LRRC8C: variants seen among roughly 807,000 people sequenced by gnomAD.
LRRC8C encodes the protein volume-regulated anion channel subunit LRRC8C.
A neutral mutation model predicts 55.3 loss-of-function variants in LRRC8C; 20 were observed. That is an observed-to-expected ratio of 0.36 (90% CI 0.25 to 0.53). LRRC8C has a LOEUF of 0.53. Ranked by LOEUF, LRRC8C falls within the 20% of genes least tolerant of loss-of-function variation. The probability of loss-of-function intolerance (pLI) is 0.92; values close to 1 mark genes in which losing one functional copy is unlikely to be tolerated. For synonymous variants in LRRC8C, 376 were observed against 360.7 expected (o/e 1.04, Z -0.48); for missense variants, 659 against 951.4 (o/e 0.69, Z 4.04).
At chr1:89,705,771 C>T (rs1658464505) in intron 2 of LRRC8C, among the ~76,000 whole-genome samples, 1 of 151,886 alleles carries the variant, frequency 6.6e-6, no homozygotes, top group African/African-American at 2.4e-5. Context: ...AGAGCAAGAC[C>T]CTGTCTCAAA....
chr1:89,649,043 A>G (rs527876981), intron 1 of LRRC8C, among the ~76,000 whole-genome samples: 4 of 152,224 alleles, frequency 2.6e-5, no homozygotes, highest in South Asian at 2.1e-4. Context: ...ATGAACATTC[A>G]TGTATATGTA....
intron 2 of LRRC8C, among the ~76,000 whole-genome samples, chr1:89,688,951 C>CTAA (rs1442534355): frequency 6.6e-6 from 1 of 152,144 alleles, no homozygotes; most frequent in Non-Finnish European, 1.5e-5. Context: ...AGGCACAAGG[C>CTAA]TTTTAAGCCA....
At chr1:89,639,327 G>T (rs1656390448) in intron 1 of LRRC8C, among the ~76,000 whole-genome samples, 1 of 152,096 alleles carries the variant, frequency 6.6e-6, no homozygotes, top group South Asian at 2.1e-4. Flanking sequence ...ATAACTAAGA[G>T]ATTTCAGTTC....
At chr1:89,685,154 CAG>C in intron 1 of LRRC8C, among the ~76,000 whole-genome samples, 1 of 134,788 alleles carries the variant, frequency 7.4e-6, no homozygotes, top group South Asian at 2.4e-4. Flanking sequence ...TGTCGCCCAG[CAG>C]GCCGGACTGC....
At chr1:89,643,891 T>C (rs1570690986) in intron 1 of LRRC8C, among the ~76,000 whole-genome samples, 1 of 152,308 alleles carries the variant, frequency 6.6e-6, no homozygotes, top group Middle Eastern at 3.4e-3. Flanking sequence ...AACATAACAA[T>C]CAAACATTTG....
intron 1 of LRRC8C, among the ~76,000 whole-genome samples, chr1:89,634,834 T>C (rs1656233705): frequency 6.6e-6 from 1 of 152,206 alleles, no homozygotes; most frequent in African/African-American, 2.4e-5. Context: ...TTTGCTTTAC[T>C]CTGGAGTGAT....
At chr1:89,622,495 G>T in the LRRC8C span, among the ~76,000 whole-genome samples, 1 of 151,996 alleles carries the variant, frequency 6.6e-6, no homozygotes, top group African/African-American at 2.4e-5. Context: ...AACACTCCTG[G>T]CTAATTTTTT....
chr1:89,654,802 TTC>T (rs1656893798), intron 1 of LRRC8C, among the ~76,000 whole-genome samples: 1 of 152,140 alleles, frequency 6.6e-6, no homozygotes. Context: ...TTTTAGGATC[TTC>T]TCATTATCCC....
chr1:89,709,650 T>G (rs1281383402), intron 2 of LRRC8C, among the ~76,000 whole-genome samples: 1 of 152,172 alleles, frequency 6.6e-6, no homozygotes, highest in East Asian at 1.9e-4. Flanking sequence ...CTTAGCACCT[T>G]AAGAAGATGC....
At chr1:89,682,028 T>C (rs1207722737) in intron 1 of LRRC8C, among the ~76,000 whole-genome samples, 1 of 152,014 alleles carries the variant, frequency 6.6e-6, no homozygotes, top group African/African-American at 2.4e-5. Context: ...ATACAAAAAA[T>C]TAGCCAGGCG....
chr1:89,652,478 G>T (rs528860266), intron 1 of LRRC8C, among the ~76,000 whole-genome samples: 1 of 152,302 alleles, frequency 6.6e-6, no homozygotes, highest in South Asian at 2.1e-4. Flanking sequence ...TTGCATAGTG[G>T]CTGGGTCTCT....
At position 89,713,127 on chromosome 1, in the gene LRRC8C, A is replaced by G; in HGVS notation, c.557A>G (p.Lys186Arg). The G allele has an allele frequency of 6.2e-7, 1 of 1,614,206 alleles. No individual in the cohort carries two copies. Among genetic ancestry groups the G allele is most frequent in the East Asian group, 2.2e-5 (1 of 44,882 alleles). Reference protein sequence around the residue: ...SEVSGEDSEEKDNRKNNMNRS... With the variant: ...SEVSGEDSEERDNRKNNMNRS... ...GTGTCTGGGGAGGACTCAGAAGAAA[A>G]GGACAACAGGAAGAACAACATGAAC... The change falls in exon 3 of 3, where the codon AAG becomes AGG. Residue 186 changes from lysine to arginine, a missense_variant. By Grantham distance (26) the Lys-to-Arg change is conservative (BLOSUM62 2). Coordinates refer to ENST00000370454, the MANE Select transcript of LRRC8C (RefSeq NM_032270.5). This position sits in a 1 kb window ranked among gnomAD's most constrained non-coding sequence, Gnocchi z 5.2.
At chr1:89,677,972 GT>G (rs1410393190) in intron 1 of LRRC8C, among the ~76,000 whole-genome samples, 3 of 152,128 alleles carry the variant, frequency 2.0e-5, no homozygotes, top group Non-Finnish European at 4.4e-5. Flanking sequence ...AAAGCAATTT[GT>G]TTTACAACTG....
chr1:89,668,495 C>G (rs775283046), intron 1 of LRRC8C, among the ~76,000 whole-genome samples: 1 of 152,152 alleles, frequency 6.6e-6, no homozygotes, highest in Non-Finnish European at 1.5e-5. Flanking sequence ...AGATTTTAGG[C>G]TACAGTGTTC....
chr1:89,648,173 T>A (rs1479338396), intron 1 of LRRC8C, among the ~76,000 whole-genome samples: 1 of 152,216 alleles, frequency 6.6e-6, no homozygotes, highest in African/African-American at 2.4e-5. Context: ...AATACATAGG[T>A]TAAAACTATT....
At chr1:89,712,391 T>C (rs1265449952) in intron 2 of LRRC8C, among the ~76,000 whole-genome samples, 2 of 152,146 alleles carry the variant, frequency 1.3e-5, no homozygotes, top group East Asian at 3.9e-4. Flanking sequence ...TGGATTACAG[T>C]TGTGAGCCAC....
intron 2 of LRRC8C, among the ~76,000 whole-genome samples, chr1:89,696,350 A>G (rs1244095031): frequency 3.3e-5 from 5 of 152,162 alleles, no homozygotes; most frequent in African/African-American, 1.2e-4. Flanking sequence ...GTACCTGCAA[A>G]AAAAGTGGGG....
At chr1:89,618,918 G>C in the LRRC8C span, among the ~76,000 whole-genome samples, 1 of 152,252 alleles carries the variant, frequency 6.6e-6, no homozygotes, top group Non-Finnish European at 1.5e-5. Context: ...TGGCTGAACT[G>C]TTTCTGTTTT....
chr1:89,676,309 T>C (rs1657546022), intron 1 of LRRC8C: 1 of 152,224 alleles, frequency 6.6e-6, no homozygotes, highest in Non-Finnish European at 1.5e-5. Context: ...ACATTACTGA[T>C]CAACACATCC....
Sources: gnomAD v4.1 joint callset for allele counts (sites outside exome capture counted in the v4.1 genomes callset) on GRCh38, gnomAD v4.1.1 for gene constraint, Gnocchi (gnomAD v3.1) non-coding constraint, MANE v1.5 for transcripts, NCBI Gene and HGNC (gene_info 2026-07-23, HGNC 2026-07-21) for gene names.